The following NCOA1 variants were observed in gnomAD, a reference collection of about 807,000 sequenced individuals.
NCOA1 encodes nuclear receptor coactivator 1, also known as Hin-2 protein.
NCOA1 carries 35 observed loss-of-function variants against 150.9 expected under a neutral mutation model. That is an observed-to-expected ratio of 0.23 (90% CI 0.18 to 0.31). NCOA1 has a LOEUF of 0.31. NCOA1 is among the 10% of genes least tolerant of loss of function. The pLI, the probability that NCOA1 is intolerant of heterozygous loss-of-function variation, is 1.00. For missense variants in NCOA1, 1,491 were observed against 1,749.3 expected (o/e 0.85, Z 2.63); for synonymous variants, 590 against 630.0 (o/e 0.94, Z 0.95).
intron 1 of NCOA1, among the ~76,000 whole-genome samples, chr2:24,534,326 CT>C (rs1318871148): frequency 6.6e-6 from 1 of 151,698 alleles, no homozygotes; most frequent in Admixed American, 6.6e-5. Flanking sequence ...CTATTTGATT[CT>C]TCTCTCTTTT....
intron 2 of NCOA1, among the ~76,000 whole-genome samples, chr2:24,576,171 T>G (rs1257335791): frequency 5.0e-4 from 13 of 26,172 alleles, no homozygotes; most frequent in African/African-American, 8.5e-4. Context: ...TTGTTTTTTG[T>G]TTTTTTTTTT....
At chr2:24,630,622 AAC>A (rs1241448129) in intron 3 of NCOA1, among the ~76,000 whole-genome samples, 67 of 152,334 alleles carry the variant, frequency 4.4e-4, no homozygotes, top group African/African-American at 1.5e-3. Context: ...GCCACAGAGC[AAC>A]AGTTTTCATA....
intron 11 of NCOA1, among the ~76,000 whole-genome samples, chr2:24,701,077 G>A (rs1673135543): frequency 6.6e-6 from 1 of 152,052 alleles, no homozygotes; most frequent in Non-Finnish European, 1.5e-5. Flanking sequence ...TCAGCAGTTA[G>A]ATAGTAGTCA....
intron 3 of NCOA1, among the ~76,000 whole-genome samples, chr2:24,622,236 A>G (rs1250289359): frequency 6.6e-6 from 1 of 152,152 alleles, no homozygotes; most frequent in East Asian, 1.9e-4. Context: ...AAAATAATTT[A>G]TCCTCATATA....
rs1664674870 is a variant in NCOA1, at chr2:24,526,849, A to G, written c.-396+35247A>G. Among the ~76,000 whole-genome samples, 2 of 152,306 alleles carry G rather than the reference A, an allele frequency of 1.3e-5. 1 individual carries two copies. The highest frequency in any genetic ancestry group is 4.1e-4 in the South Asian group (2 of 4,826). ...ATTTAACCAACCACAGATCAAAAATATTTGGGAAAAAATTTAGTAATACAA... is the reference window on the plus strand; with the variant it reads ...ATTTAACCAACCACAGATCAAAAATGTTTGGGAAAAAATTTAGTAATACAA... On this transcript the variant is annotated intron_variant, in intron 1 of 22. Coordinates refer to ENST00000348332, the MANE Select transcript of NCOA1 (RefSeq NM_003743.5).
At chr2:24,597,249 C>T (rs573695963) in intron 3 of NCOA1, among the ~76,000 whole-genome samples, 12 of 152,266 alleles carry the variant, frequency 7.9e-5, no homozygotes, top group Non-Finnish European at 1.5e-4. Context: ...TTAATTACCT[C>T]TTATCTCAAC....
chr2:24,603,146 C>A (rs1479414371), intron 3 of NCOA1, among the ~76,000 whole-genome samples: 1 of 151,910 alleles, frequency 6.6e-6, no homozygotes, highest in African/African-American at 2.4e-5. Context: ...TATGCTATAC[C>A]GTAGTCTATC....
chr2:24,680,824 C>A (rs757334373), intron 7 of NCOA1, among the ~76,000 whole-genome samples: 30 of 151,918 alleles, frequency 2.0e-4, no homozygotes, highest in Non-Finnish European at 3.7e-4. Flanking sequence ...AAAACATATA[C>A]CATAAATATA....
At chr2:24,711,391 A>G (rs1003184806) in intron 14 of NCOA1, 20 of 249,130 alleles carry the variant, frequency 8.0e-5, no homozygotes, top group Non-Finnish European at 1.3e-4. Context: ...CCATAACAGG[A>G]CTTTCAGAAA....
At chr2:24,544,838 A>C (rs78176576) in intron 1 of NCOA1, among the ~76,000 whole-genome samples, 1 of 152,166 alleles carries the variant, frequency 6.6e-6, no homozygotes, top group African/African-American at 2.4e-5. Flanking sequence ...AAAACATTGC[A>C]CATGTATATT....
chr2:24,522,425 T>C (rs539416154), intron 1 of NCOA1, among the ~76,000 whole-genome samples: 4 of 152,332 alleles, frequency 2.6e-5, no homozygotes, highest in African/African-American at 7.2e-5. Flanking sequence ...GAAGAAAATA[T>C]GGACCTTGCC....
intron 7 of NCOA1, among the ~76,000 whole-genome samples, chr2:24,681,626 A>G (rs997226265): frequency 6.6e-6 from 1 of 152,156 alleles, no homozygotes; most frequent in Non-Finnish European, 1.5e-5. Flanking sequence ...ATTCATTGTT[A>G]AAATTTCATC....
At chr2:24,508,078 T>C (rs1427228342) in intron 1 of NCOA1, among the ~76,000 whole-genome samples, 1 of 152,200 alleles carries the variant, frequency 6.6e-6, no homozygotes, top group African/African-American at 2.4e-5. Flanking sequence ...TATTAAGATA[T>C]CTCAAATCAT....
rs1663487144 is a variant in NCOA1 at position 24,739,325 on chromosome 2, G to T, written c.3202-107G>T. ...CATAGGAAATAATCTAACCAAACCT[G>T]CAACACTAAAACTTTTTAGTAATCA... is the stretch of plus-strand genomic sequence containing the variant. On this transcript the variant is annotated intron_variant, in intron 17 of 22. Transcript: ENST00000348332. 5.2e-6 allele frequency: 4 copies of T among 770,824 alleles called. No individual in the cohort carries two copies. The East Asian group carries it at 1.1e-4, about 20-fold the overall frequency. The allele number at this position is 770,824 out of a possible 1,614,324, so 47.7% of individuals were successfully genotyped here. A position where few individuals can be genotyped will look rare whatever the true frequency, so the allele number is the denominator to read the frequency against.
chr2:24,728,011 A>G (rs1214016839), intron 15 of NCOA1, among the ~76,000 whole-genome samples: 2 of 152,216 alleles, frequency 1.3e-5, no homozygotes, highest in African/African-American at 2.4e-5. Context: ...ACTTTTATTA[A>G]AAGTTATTTC....
In NCOA1 at chr2:24,725,240, T is replaced by C. The variant is rs554200429; in HGVS notation, c.2600-1349T>C. 1.9e-3 allele frequency among the ~76,000 whole-genome samples: 287 copies of C among 152,232 alleles called. 1 individual carries two copies. The highest frequency in any genetic ancestry group is 6.9e-3 in the African/African-American group (285 of 41,544). On this transcript the variant is annotated intron_variant, in intron 14 of 22. Coordinates refer to ENST00000348332, the MANE Select transcript of NCOA1 (RefSeq NM_003743.5). ...CCTTAAAACTCCAAGGCTGTTTTAG[T>C]TTTTAAAAAAAGATTCTATTTGGGC...
At chr2:24,544,956 G>A (rs887897765) in intron 1 of NCOA1, among the ~76,000 whole-genome samples, 3 of 152,130 alleles carry the variant, frequency 2.0e-5, no homozygotes, top group Non-Finnish European at 4.4e-5. Context: ...GAACCATGTG[G>A]TACTGAATTA....
chr2:24,609,153 T>C (rs2148379038), intron 3 of NCOA1, among the ~76,000 whole-genome samples: 1 of 152,328 alleles, frequency 6.6e-6, no homozygotes, highest in South Asian at 2.1e-4. Flanking sequence ...AAGTTTCACC[T>C]CCCAGAGGGA....
In NCOA1 at chr2:24,752,024, G is replaced by A; in HGVS notation, c.3749G>A (p.Ser1250Asn). 1 of 1,614,030 alleles carries A rather than the reference G, an allele frequency of 6.2e-7. No homozygotes were observed. Among genetic ancestry groups the A allele is most frequent in the Admixed American group, 1.7e-5 (1 of 60,004 alleles). ...QGEANFAPSL[S>N]PGSSMVPMPI... The stretch of plus-strand genomic sequence containing the variant: ...GAGGCCAACTTTGCTCCATCTCTAA[G>A]CCCTGGGAGCTCCATGGTGCCGATG... The change falls in exon 20 of 23, where the codon AGC becomes AAC. Residue 1250 changes from serine (S) to asparagine (N), a missense_variant. By Grantham distance (46) the Ser-to-Asn change is conservative. Transcript: ENST00000348332.
Sources: gnomAD v4.1 joint callset for allele counts (sites outside exome capture counted in the v4.1 genomes callset) on GRCh38, gnomAD v4.1.1 for gene constraint, MANE v1.5 for transcripts, NCBI Gene and HGNC (gene_info 2026-07-23, HGNC 2026-07-21) for gene names.